MAP3K20: variants seen among roughly 807,000 people sequenced by gnomAD.
MAP3K20 encodes HCCS-4.
A neutral mutation model predicts 85.7 loss-of-function variants in MAP3K20; 40 were observed. The observed-to-expected ratio is 0.47, with a 90% CI of 0.36 to 0.61. The LOEUF is 0.61. Among genes scored for constraint, MAP3K20 ranks in the 20% least tolerant of loss-of-function variants. The probability of loss-of-function intolerance (pLI) is 0.00; values close to 1 mark genes in which losing one functional copy is unlikely to be tolerated. For synonymous variants in MAP3K20, 325 were observed against 327.7 expected (o/e 0.99, Z 0.09); for missense variants, 817 against 961.7 (o/e 0.85, Z 1.99).
At position 173,085,511 on chromosome 2, in the gene MAP3K20, TTTAAA is replaced by T. The variant is rs374910751; in HGVS notation, c.-34-5481_-34-5477del. Among the ~76,000 whole-genome samples the T allele has an allele frequency of 3.2e-4, 49 of 152,342 alleles. No homozygotes were observed. In the East Asian group the frequency reaches 5.8e-3, roughly 18 times the overall value. On this transcript the variant is annotated intron_variant, in intron 1 of 19. Transcript: ENST00000375213. ...TTTTGAATTTTAATTTAAGGAAAAC[TTTAAA>T]TTAAAAATTTTTTGACATTCTACTC...
At chr2:173,127,470 A>G (rs1688475256) in intron 2 of MAP3K20, among the ~76,000 whole-genome samples, 1 of 152,246 alleles carries the variant, frequency 6.6e-6, no homozygotes, top group Admixed American at 6.5e-5. Flanking sequence ...TTAAGATCCC[A>G]GCTTACAACA....
At chr2:173,242,379 G>A (rs1684808195) in intron 16 of MAP3K20, among the ~76,000 whole-genome samples, 1 of 151,970 alleles carries the variant, frequency 6.6e-6, no homozygotes. Flanking sequence ...ATGTTGGCCA[G>A]GCTGGTCTCG....
chr2:173,192,811 A>T (rs539376663), intron 7 of MAP3K20: 129 of 152,262 alleles, frequency 8.5e-4, no homozygotes, highest in African/African-American at 2.9e-3. Context: ...ACCACCTGAG[A>T]GTAATTTAAA....
rs546183676 is a variant in MAP3K20, at chr2:173,266,894, T to C, written c.*144T>C. Reference sequence around the variant, plus strand: ...TTTGGATTGGGAAATACCTTCTAATTGAGACTATAGCCAAACCAGGGCCAA... The same window carrying C: ...TTTGGATTGGGAAATACCTTCTAATCGAGACTATAGCCAAACCAGGGCCAA... On this transcript the variant is annotated 3_prime_UTR_variant, in exon 20 of 20. Transcript: ENST00000375213. 1.6e-5 allele frequency: 14 copies of C among 864,814 alleles called. No homozygotes were observed. In the South Asian group the frequency reaches 4.8e-4, roughly 29 times the overall value. The allele number at this position is 864,814 out of a possible 1,614,324, so 53.6% of individuals were successfully genotyped here.
intron 2 of MAP3K20, among the ~76,000 whole-genome samples, chr2:173,133,311 A>G (rs911511916): frequency 1.3e-5 from 2 of 152,194 alleles, no homozygotes; most frequent in African/African-American, 4.8e-5. Flanking sequence ...CACAGTTTGG[A>G]AACTACAGTT....
chr2:173,236,273 A>T (rs1044794968), intron 14 of MAP3K20, among the ~76,000 whole-genome samples: 3 of 150,842 alleles, frequency 2.0e-5, no homozygotes, highest in African/African-American at 7.3e-5. Flanking sequence ...GTCTAAAAAA[A>T]AAAAAAAAAA....
intron 3 of MAP3K20, among the ~76,000 whole-genome samples, chr2:173,182,557 A>G (rs1690361810): frequency 6.6e-6 from 1 of 152,214 alleles, no homozygotes; most frequent in African/African-American, 2.4e-5. Context: ...CTATTTATAT[A>G]CATACCTTTG....
intron 1 of MAP3K20, among the ~76,000 whole-genome samples, chr2:173,082,809 C>G (rs1480479872): frequency 6.6e-6 from 1 of 152,254 alleles, no homozygotes; most frequent in Non-Finnish European, 1.5e-5. Flanking sequence ...ATGCCGTGGC[C>G]GTAGGTTGTA....
At chr2:173,078,749 C>T (rs1172553142) in intron 1 of MAP3K20, among the ~76,000 whole-genome samples, 1 of 152,072 alleles carries the variant, frequency 6.6e-6, no homozygotes, top group African/African-American at 2.4e-5. Context: ...GGATGGTGAG[C>T]AATCCAGTAA....
intron 2 of MAP3K20, among the ~76,000 whole-genome samples, chr2:173,159,664 G>A (rs559918154): frequency 3.2e-4 from 48 of 152,268 alleles, no homozygotes; most frequent in African/African-American, 1.1e-3. Flanking sequence ...TGCTGGGACT[G>A]CAGAGGTGAG....
At chr2:173,220,304 A>ATAATTACG (rs1442597667) in intron 11 of MAP3K20, among the ~76,000 whole-genome samples, 1 of 152,238 alleles carries the variant, frequency 6.6e-6, no homozygotes, top group Admixed American at 6.5e-5. Flanking sequence ...GCTGTTCAAA[A>ATAATTACG]TAATTACGTA....
chr2:173,229,963 C>T (rs1245226568), intron 12 of MAP3K20, among the ~76,000 whole-genome samples: 1 of 152,118 alleles, frequency 6.6e-6, no homozygotes, highest in Non-Finnish European at 1.5e-5. Context: ...TCCTGAGTAG[C>T]TAAGACTATA....
intron 12 of MAP3K20, 115 bp from the exon 13 acceptor site, chr2:173,232,077 G>C (rs1684535288): frequency 7.8e-7 from 1 of 1,281,704 alleles, no homozygotes; most frequent in African/African-American, 1.5e-5. Flanking sequence ...TTACCTTTGT[G>C]GTTGAGCCAG....
At chr2:173,185,275 T>C (rs1690453917) in intron 4 of MAP3K20, among the ~76,000 whole-genome samples, 1 of 152,124 alleles carries the variant, frequency 6.6e-6, no homozygotes, top group Non-Finnish European at 1.5e-5. Context: ...AGAATGGGAT[T>C]GGACCCACTG....
intron 11 of MAP3K20, among the ~76,000 whole-genome samples, chr2:173,218,357 G>GA (rs895677463): frequency 7.2e-5 from 11 of 152,236 alleles, no homozygotes; most frequent in Non-Finnish European, 1.3e-4. Flanking sequence ...ATTCAACTTG[G>GA]AAAAAAAGGA....
At chr2:173,199,973 TAG>T (rs1442184389) in intron 8 of MAP3K20, among the ~76,000 whole-genome samples, 1 of 152,124 alleles carries the variant, frequency 6.6e-6, no homozygotes, top group Non-Finnish European at 1.5e-5. Flanking sequence ...TCCCAGAAAG[TAG>T]AGTTTACTAT....
In MAP3K20 at chr2:173,264,028, A is replaced by C. The variant is rs1433195208; in HGVS notation, c.1702+133A>C. The C allele has an allele frequency of 2.3e-6, 3 of 1,286,896 alleles. No individual in the cohort carries two copies. In the East Asian group the frequency reaches 8.0e-5, roughly 34 times the overall value. The allele number at this position is 1,286,896 out of a possible 1,614,324, so 79.7% of individuals were successfully genotyped here. On this transcript the variant is annotated intron_variant, in intron 19 of 19. Transcript: ENST00000375213. ...CTATCTTTGAGCTTCGAGTAGCAGA[A>C]AACCCAGTTGCAACTGGCTTACTCC...
chr2:173,084,516 C>A (rs1230216907), intron 1 of MAP3K20, among the ~76,000 whole-genome samples: 1 of 151,022 alleles, frequency 6.6e-6, no homozygotes, highest in African/African-American at 2.4e-5. Flanking sequence ...CTAATAAGAT[C>A]TTTCAGAAAT....
chr2:173,232,718 G>C (rs935743021), intron 14 of MAP3K20, among the ~76,000 whole-genome samples: 5 of 152,062 alleles, frequency 3.3e-5, no homozygotes, highest in Admixed American at 6.6e-5. Flanking sequence ...TTTCCAGGCT[G>C]GTCTCCAACT....
Sources: gnomAD v4.1 joint callset for allele counts (sites outside exome capture counted in the v4.1 genomes callset) on GRCh38, gnomAD v4.1.1 for gene constraint, MANE v1.5 for transcripts, NCBI Gene and HGNC (gene_info 2026-07-23, HGNC 2026-07-21) for gene names.